UBE3D: variants seen among roughly 807,000 people sequenced by gnomAD.
The protein encoded by UBE3D is E3 ubiquitin-protein ligase E3D.
UBE3D carries 48 observed loss-of-function variants against 49.6 expected under a neutral mutation model. The observed-to-expected ratio is 0.97, with a 90% CI of 0.77 to 1.23. UBE3D has a LOEUF of 1.23. Ranked by LOEUF, UBE3D falls within the 50% of genes most tolerant of loss-of-function variation. The pLI, the probability that UBE3D is intolerant of heterozygous loss-of-function variation, is 0.00. For synonymous variants in UBE3D, 189 were observed against 174.2 expected, an observed-to-expected ratio of 1.08 and a Z score of -0.67; for missense variants, 452 against 468.4, an observed-to-expected ratio of 0.96 and a Z score of 0.32.
chr6:82,895,779 A>T (rs1771272235), intron 9 of UBE3D, among the ~76,000 whole-genome samples: 1 of 152,220 alleles, frequency 6.6e-6, no homozygotes. Context: ...TTGATTTCTA[A>T]TCCATGCTTT....
chr6:83,064,470 C>T (rs1389550427), intron 1 of UBE3D, among the ~76,000 whole-genome samples: 1 of 152,158 alleles, frequency 6.6e-6, no homozygotes, highest in East Asian at 1.9e-4. Context: ...TCGTGATCCG[C>T]CCGCCTCAGC....
At chr6:82,984,909 C>G (rs1438389037) in intron 8 of UBE3D, among the ~76,000 whole-genome samples, 2 of 151,628 alleles carry the variant, frequency 1.3e-5, no homozygotes, top group African/African-American at 2.4e-5. Context: ...CTTCTGGGCT[C>G]AGGCATTCCT....
intron 1 of UBE3D, among the ~76,000 whole-genome samples, chr6:83,062,347 CTT>C (rs1200385055): frequency 6.6e-6 from 1 of 152,132 alleles, no homozygotes; most frequent in Non-Finnish European, 1.5e-5. Context: ...AAGCCAGACT[CTT>C]TTTCACAACC....
chr6:83,059,859 C>T (rs1784056831), intron 1 of UBE3D, among the ~76,000 whole-genome samples: 1 of 152,174 alleles, frequency 6.6e-6, no homozygotes. Flanking sequence ...AGGAGGACCA[C>T]TCAGCAGGGG....
At chr6:82,982,896 A>C (rs1158006322) in intron 8 of UBE3D, among the ~76,000 whole-genome samples, 1 of 152,188 alleles carries the variant, frequency 6.6e-6, no homozygotes, top group Non-Finnish European at 1.5e-5. Context: ...AGGAAAAGCT[A>C]GATAAATGTT....
At chr6:82,979,044 GA>G (rs777307291) in intron 8 of UBE3D, among the ~76,000 whole-genome samples, 9 of 152,054 alleles carry the variant, frequency 5.9e-5, no homozygotes, top group Non-Finnish European at 2.9e-5. Flanking sequence ...TAAGACCTGG[GA>G]AAATCAAAAC....
intron 8 of UBE3D, among the ~76,000 whole-genome samples, chr6:82,990,693 G>T (rs932264396): frequency 6.6e-6 from 1 of 152,180 alleles, no homozygotes; most frequent in Non-Finnish European, 1.5e-5. Context: ...CTGAGCGCTA[G>T]ATGAATACAT....
At chr6:83,065,380 AT>A (rs2127869647) in intron 1 of UBE3D, among the ~76,000 whole-genome samples, 1 of 152,316 alleles carries the variant, frequency 6.6e-6, no homozygotes, top group East Asian at 1.9e-4. Flanking sequence ...TTGTTAAAAT[AT>A]AAGTTTTGAT....
intron 9 of UBE3D, among the ~76,000 whole-genome samples, chr6:82,928,457 C>T (rs922791927): frequency 6.6e-6 from 1 of 152,150 alleles, no homozygotes; most frequent in Non-Finnish European, 1.5e-5. Context: ...CTCTACACTG[C>T]AAATTGCCAC....
At chr6:82,970,167 ATTAT>A (rs566666217) in intron 8 of UBE3D, among the ~76,000 whole-genome samples, 47 of 149,796 alleles carry the variant, frequency 3.1e-4, no homozygotes, top group Non-Finnish European at 6.1e-4. Context: ...AGAAAAATTG[ATTAT>A]TTATTAAGGG....
At chr6:82,965,881 C>G (rs1776881005) in intron 8 of UBE3D, among the ~76,000 whole-genome samples, 1 of 152,146 alleles carries the variant, frequency 6.6e-6, no homozygotes, top group Non-Finnish European at 1.5e-5. Context: ...CCCAACCCCT[C>G]TGAATTATTT....
At chr6:82,933,078 T>G (rs547249404) in intron 9 of UBE3D, among the ~76,000 whole-genome samples, 8 of 152,036 alleles carry the variant, frequency 5.3e-5, no homozygotes, top group African/African-American at 1.2e-4. Flanking sequence ...TGGGTTTTTT[T>G]GGGGGGTGGG....
chr6:82,890,988 C>T (rs145453176), downstream of UBE3D, among the ~76,000 whole-genome samples: 910 of 151,716 alleles, frequency 6.0e-3, 30 homozygotes, highest in Admixed American at 0.052. Flanking sequence ...CAACATTAGA[C>T]CGATACAAAC....
chr6:82,905,154 A>C (rs995693386), intron 9 of UBE3D, among the ~76,000 whole-genome samples: 2 of 152,086 alleles, frequency 1.3e-5, no homozygotes, highest in Admixed American at 6.6e-5. Context: ...GGCACATCTC[A>C]CTTATTCTGC....
intron 8 of UBE3D, among the ~76,000 whole-genome samples, chr6:82,997,436 G>A (rs574011564): frequency 3.3e-5 from 5 of 152,174 alleles, no homozygotes; most frequent in Admixed American, 6.6e-5. Context: ...AAAGAAAAAC[G>A]TGCCCGGGTG....
intron 9 of UBE3D, among the ~76,000 whole-genome samples, chr6:82,926,373 CTG>C (rs1223637434): frequency 1.3e-5 from 2 of 152,098 alleles, no homozygotes; most frequent in African/African-American, 4.8e-5. Flanking sequence ...ATAGAAGAGA[CTG>C]TTACTTGCTT....
intron 4 of UBE3D, among the ~76,000 whole-genome samples, chr6:83,041,850 G>C (rs1474428585): frequency 6.6e-6 from 1 of 152,110 alleles, no homozygotes; most frequent in Non-Finnish European, 1.5e-5. Context: ...TTAAAAAAGA[G>C]TGAAGCCTTG....
intron 5 of UBE3D, among the ~76,000 whole-genome samples, chr6:83,031,366 T>G (rs986172596): frequency 3.9e-5 from 6 of 152,196 alleles, no homozygotes; most frequent in Non-Finnish European, 7.3e-5. Context: ...CATAAAAGTT[T>G]GGAAAATTTG....
At chr6:83,001,084 T>C (rs1051088107) in intron 8 of UBE3D, among the ~76,000 whole-genome samples, 1 of 152,208 alleles carries the variant, frequency 6.6e-6, no homozygotes, top group African/African-American at 2.4e-5. Context: ...CCTCAGGTGA[T>C]CTGCCAGCGT....
Sources: gnomAD v4.1 joint callset for allele counts (sites outside exome capture counted in the v4.1 genomes callset) on GRCh38, gnomAD v4.1.1 for gene constraint, MANE v1.5 for transcripts, NCBI Gene and HGNC (gene_info 2026-07-23, HGNC 2026-07-21) for gene names.